Variants in ATP13A4 observed in about 807,000 individuals in gnomAD.
The protein encoded by ATP13A4 is probable cation-transporting ATPase 13A4.
In ATP13A4, 114 loss-of-function variants were observed where a neutral mutation model predicts 142.5. The ratio of observed to expected loss-of-function variants is 0.80; its 90% CI spans 0.69 to 0.93. ATP13A4 has a LOEUF of 0.93. Among genes scored for constraint, ATP13A4 ranks in the 40% least tolerant of loss-of-function variants. The pLI is 0.00. For synonymous variants in ATP13A4, 488 were observed against 514.8 expected, an observed-to-expected ratio of 0.95 and a Z score of 0.70; for missense variants, 1,392 against 1,454.0, an observed-to-expected ratio of 0.96 and a Z score of 0.69.
In ATP13A4 at chr3:193,459,251, G is replaced by C; in HGVS notation, c.1524-20C>G. ...TGAAAGCTTAAGGAGAAAAGGAAAT[G>C]GGTTTCCATTCCATCGCCTCATGCC... On this transcript the variant is annotated intron_variant, in intron 13 of 29. Coordinates refer to ENST00000342695, the MANE Select transcript of ATP13A4 (RefSeq NM_032279.4). 6.2e-7 allele frequency: 1 copy of C among 1,614,070 alleles called. No individual in the cohort carries two copies. The highest frequency in any genetic ancestry group is 8.5e-7 in the Non-Finnish European group (1 of 1,179,994).
chr3:193,465,927 G>A (rs1007247455), intron 11 of ATP13A4, 98 bp downstream of exon 11: 14 of 1,500,122 alleles, frequency 9.3e-6, no homozygotes, highest in Non-Finnish European at 1.3e-5. Context: ...TGTTTCCCAG[G>A]TTTGTAAACC....
At chr3:193,416,420 CCA>C (rs975133886) in intron 25 of ATP13A4, among the ~76,000 whole-genome samples, 3 of 151,922 alleles carry the variant, frequency 2.0e-5, no homozygotes, top group Non-Finnish European at 4.4e-5. Context: ...CTAAGGGAAA[CCA>C]CGGGCAAAGA....
intron 7 of ATP13A4, among the ~76,000 whole-genome samples, chr3:193,488,451 T>TG (rs1719762460): frequency 6.6e-6 from 1 of 152,186 alleles, no homozygotes; most frequent in South Asian, 2.1e-4. Flanking sequence ...GGAGCCTTAA[T>TG]TTTTATTCAC....
intron 29 of ATP13A4, among the ~76,000 whole-genome samples, chr3:193,406,943 A>G (rs535677031): frequency 6.6e-6 from 1 of 152,306 alleles, no homozygotes; most frequent in East Asian, 1.9e-4. Flanking sequence ...TAATGGCTGT[A>G]CAACTCAGTG....
In ATP13A4 at chr3:193,570,124, A is replaced by T. The variant is rs527341100; in HGVS notation, n.291+11583T>A. 3.0e-4 allele frequency among the ~76,000 whole-genome samples: 45 copies of T among 152,184 alleles called. No homozygotes were observed. The South Asian group carries it at 8.9e-3, about 30-fold the overall frequency. ...AGAAAAGCCTGGGCAACAAAGCAAG[A>T]CCTTCTATCTAAAACAAAACAAAAC... On this transcript the variant is annotated intron_variant and non_coding_transcript_variant, in intron 2 of 3. Transcript: ENST00000489140.
intron 7 of ATP13A4, among the ~76,000 whole-genome samples, chr3:193,489,063 T>C (rs1435002700): frequency 6.6e-6 from 1 of 152,140 alleles, no homozygotes; most frequent in Non-Finnish European, 1.5e-5. Flanking sequence ...TGTGAAATAG[T>C]GATATCTGCT....
intron 2 of ATP13A4, among the ~76,000 whole-genome samples, chr3:193,507,554 A>C (rs34537237): frequency 0.14 from 20,655 of 152,172 alleles, 1,563 homozygotes; most frequent in Non-Finnish European, 0.17. Flanking sequence ...GGGACAACAC[A>C]ATGAGGTTAT....
In ATP13A4 at chr3:193,414,843, A is replaced by C. The variant is rs573975777; in HGVS notation, c.2843-93T>G. 10 of 1,253,024 alleles carry C rather than the reference A, an allele frequency of 8.0e-6. No homozygotes were observed. In the Admixed American group the frequency reaches 1.7e-4, roughly 21 times the overall value. The allele number at this position is 1,253,024 out of a possible 1,614,324, so 77.6% of individuals were successfully genotyped here. On this transcript the variant is annotated intron_variant, in intron 25 of 29. Coordinates refer to ENST00000342695, the MANE Select transcript of ATP13A4 (RefSeq NM_032279.4). ...ATAAGTTCATTGGCCCATACATTTG[A>C]GGAAATGGACAAACTGGAGTACATC...
At chr3:193,575,933 T>C (rs985583930) in intron 2 of ATP13A4, among the ~76,000 whole-genome samples, 3 of 152,134 alleles carry the variant, frequency 2.0e-5, no homozygotes, top group Non-Finnish European at 2.9e-5. Context: ...CCTGGTAATT[T>C]CCTAAGGCAC....
rs553355056 is a variant in ATP13A4 at position 193,477,748 on chromosome 3, A to G, written c.808+6188T>C. Among the ~76,000 whole-genome samples, 33 of 152,188 alleles carry G rather than the reference A, an allele frequency of 2.2e-4. 1 individual carries two copies. The East Asian group carries it at 2.3e-3, about 11-fold the overall frequency. ...GTTCAGAACACAAAGATGAGCATCG[A>G]TGGAGATCTTGGCAGCTTGAGTTCA... On this transcript the variant is annotated intron_variant, in intron 8 of 29. Transcript: ENST00000342695.
rs1722014743 is a variant in ATP13A4, at chr3:193,526,527, AG to A, written c.61-11657del. 2.0e-5 allele frequency among the ~76,000 whole-genome samples: 3 copies of A among 152,152 alleles called. 1 individual carries two copies. The South Asian group carries it at 6.2e-4, about 32-fold the overall frequency. On this transcript the variant is annotated intron_variant, in intron 1 of 29. Coordinates refer to ENST00000342695, the MANE Select transcript of ATP13A4 (RefSeq NM_032279.4). ...GTGCAGGGCTTAAAACCTAGATGAC[AG>A]GTTGATAGGTGCAGCAAACCACTAT...
chr3:193,583,365 G>A (rs1304740427), intron 1 of ATP13A4, among the ~76,000 whole-genome samples: 3 of 151,932 alleles, frequency 2.0e-5, no homozygotes, highest in African/African-American at 2.4e-5. Context: ...CCCAGGAGGC[G>A]GAGGTTGCAG....
intron 8 of ATP13A4, among the ~76,000 whole-genome samples, chr3:193,479,789 A>T (rs1719185709): frequency 6.6e-6 from 1 of 152,168 alleles, no homozygotes. Context: ...TATGGAGCCA[A>T]AAAAGAGGCT....
Position 193,457,373 on chromosome 3 carries a change from GC to G in ATP13A4, c.1761+5del. Reference sequence around the variant, plus strand: ...TGTTGTGGGGTGAAGAGCAAGCAGGGCTTACCTGGCTGGCTGTTCTGCAGGG... The same window carrying G: ...TGTTGTGGGGTGAAGAGCAAGCAGGGTTACCTGGCTGGCTGTTCTGCAGGG... On this transcript the variant is annotated splice_donor_5th_base_variant and intron_variant, in intron 15 of 29. Transcript: ENST00000342695. The G allele has an allele frequency of 6.2e-7, 1 of 1,614,042 alleles. No homozygotes were observed.
intron 2 of ATP13A4, among the ~76,000 whole-genome samples, chr3:193,563,411 C>T (rs1724060455): frequency 6.6e-6 from 1 of 152,210 alleles, no homozygotes; most frequent in African/African-American, 2.4e-5. Context: ...TTACTAACTA[C>T]TCATTCCAAT....
intron 1 of ATP13A4, among the ~76,000 whole-genome samples, chr3:193,550,553 G>A (rs765817855): frequency 6.6e-5 from 10 of 152,142 alleles, no homozygotes; most frequent in Non-Finnish European, 1.2e-4. Context: ...CAATCTGCAC[G>A]CCTCAGCCTC....
intron 2 of ATP13A4, among the ~76,000 whole-genome samples, chr3:193,506,725 G>C (rs1720881465): frequency 1.3e-5 from 2 of 152,250 alleles, no homozygotes; most frequent in South Asian, 4.1e-4. Flanking sequence ...TCATGATAGT[G>C]AGTAAGTTAT....
chr3:193,547,561 A>T (rs1197986563), intron 1 of ATP13A4, among the ~76,000 whole-genome samples: 1 of 152,208 alleles, frequency 6.6e-6, no homozygotes. Flanking sequence ...CTCCAGGCAA[A>T]TGAAATGTCA....
At chr3:193,459,883 T>C (rs771999910) in intron 13 of ATP13A4, among the ~76,000 whole-genome samples, 2 of 152,238 alleles carry the variant, frequency 1.3e-5, no homozygotes, top group Non-Finnish European at 2.9e-5. Context: ...TCAAATGTCA[T>C]ATGCAGGCTT....
Sources: allele counts gnomAD v4.1 joint callset (sites outside exome capture counted in the v4.1 genomes callset), GRCh38; gene constraint gnomAD v4.1.1; transcripts MANE v1.5; gene names NCBI Gene and HGNC (gene_info 2026-07-23, HGNC 2026-07-21).